Variants in GLYATL1 observed in about 807,000 individuals in gnomAD.
GLYATL1 encodes glycine-N-acyltransferase like 1.
In GLYATL1, 15 loss-of-function variants were observed where a neutral mutation model predicts 20.0. The observed-to-expected ratio is 0.75, with a 90% CI of 0.50 to 1.15. The LOEUF (loss-of-function observed/expected upper bound fraction) is 1.15, where lower values mean the gene tolerates loss of function less well. Among genes scored for constraint, GLYATL1 ranks in the 50% most tolerant of loss-of-function variants. The pLI, the probability that GLYATL1 is intolerant of heterozygous loss-of-function variation, is 0.00. For synonymous variants in GLYATL1, 151 were observed against 131.5 expected (o/e 1.15, Z -1.01); for missense variants, 380 against 368.5 (o/e 1.03, Z -0.26).
downstream of GLYATL1, among the ~76,000 whole-genome samples, chr11:58,910,357 T>C (rs972018153): frequency 6.6e-6 from 1 of 152,204 alleles, no homozygotes; most frequent in African/African-American, 2.4e-5. Flanking sequence ...ATATTAATGA[T>C]AAAATGCCTA....
chr11:58,947,994 C>A, intron 4 of GLYATL1, 29 bp downstream of exon 4: 1 of 1,477,452 alleles, frequency 6.8e-7, no homozygotes, highest in Non-Finnish European at 9.5e-7. Flanking sequence ...ACTGGTGGAG[C>A]CAGGCAGGTC....
intron 1 of GLYATL1, chr11:58,905,796 C>T (rs1436745768): frequency 5.2e-6 from 2 of 384,300 alleles, no homozygotes; most frequent in Admixed American, 5.7e-5. Flanking sequence ...GACCCGCCCG[C>T]GAGCGCGTGC....
chr11:58,955,507 G>T, intron 6 of GLYATL1, 103 bp from the exon 7 acceptor site: 2 of 1,414,480 alleles, frequency 1.4e-6, no homozygotes, highest in Non-Finnish European at 1.9e-6. Context: ...GCAATGGTGA[G>T]TCTTTAAACA....
downstream of GLYATL1, among the ~76,000 whole-genome samples, chr11:58,913,537 T>G (rs532130679): frequency 2.9e-4 from 44 of 152,340 alleles, 1 homozygote; most frequent in African/African-American, 9.1e-4. Flanking sequence ...CAATGAACAC[T>G]TCTTACAAAA....
At position 58,956,148 on chromosome 11, in the gene GLYATL1, C is replaced by T; in HGVS notation, c.*121C>T. Reference sequence around the variant, plus strand: ...CACTTATAATACAGCAGGAACTCTTCTCACCTGGAGCCTTGATGTTAAAAG... The same window carrying T: ...CACTTATAATACAGCAGGAACTCTTTTCACCTGGAGCCTTGATGTTAAAAG... On this transcript the variant is annotated 3_prime_UTR_variant, in exon 7 of 7. Transcript: ENST00000532726. 1.2e-6 allele frequency: 1 copy of T among 851,508 alleles called. No individual in the cohort carries two copies. The highest frequency in any genetic ancestry group is 1.8e-6 in the Non-Finnish European group (1 of 550,462). The allele number at this position is 851,508 out of a possible 1,614,324, so 52.7% of individuals were successfully genotyped here.
chr11:58,948,624 G>C (rs1008954505), intron 4 of GLYATL1, among the ~76,000 whole-genome samples: 1 of 152,002 alleles, frequency 6.6e-6, no homozygotes, highest in African/African-American at 2.4e-5. Context: ...CTGGGCAACA[G>C]AGTGAGACCC....
intron 1 of GLYATL1, among the ~76,000 whole-genome samples, chr11:58,914,294 G>C (rs989659095): frequency 6.6e-6 from 1 of 152,118 alleles, no homozygotes; most frequent in African/African-American, 2.4e-5. Context: ...TGTGTTACCA[G>C]CCACAAGTTT....
chr11:58,953,796 A>G (rs938190015), intron 4 of GLYATL1, among the ~76,000 whole-genome samples: 1 of 152,144 alleles, frequency 6.6e-6, no homozygotes, highest in Non-Finnish European at 1.5e-5. Flanking sequence ...TAATTACACT[A>G]TTTTCTCTTT....
chr11:58,905,577 C>T (rs767146401), exon 1 of GLYATL1: 9 of 456,188 alleles, frequency 2.0e-5, no homozygotes, highest in Non-Finnish European at 4.0e-5. Flanking sequence ...CCGGCTGCCG[C>T]GCAACCCCTC....
chr11:58,906,894 G>C (rs941861219), intron 1 of GLYATL1, among the ~76,000 whole-genome samples: 7 of 152,124 alleles, frequency 4.6e-5, no homozygotes, highest in African/African-American at 1.7e-4. Flanking sequence ...GGATGAGGCA[G>C]GTAAAAGTGC....
intron 1 of GLYATL1, among the ~76,000 whole-genome samples, chr11:58,906,859 G>A (rs1032513569): frequency 1.2e-4 from 18 of 152,154 alleles, no homozygotes; most frequent in Non-Finnish European, 2.6e-4. Flanking sequence ...AAACAACGCG[G>A]TGCTCATTTG....
intron 1 of GLYATL1, chr11:58,943,160 T>G: frequency 2.8e-6 from 3 of 1,087,076 alleles, no homozygotes; most frequent in Non-Finnish European, 3.7e-6. Context: ...CTTCTTCATT[T>G]GAGTCCTTGT....
chr11:58,931,698 A>G (rs936177654), intron 1 of GLYATL1, among the ~76,000 whole-genome samples: 1 of 152,224 alleles, frequency 6.6e-6, no homozygotes, highest in South Asian at 2.1e-4. Context: ...CAACAATAAA[A>G]TGAACAACTC....
rs563027842 is a variant in GLYATL1 at position 58,943,614 on chromosome 11, C to T, written c.-95C>T. ...GAGCGCGAAGTGAACACGGAAGGTA[C>T]CTGCAGGATCCAATTGTGTCCATTG... On this transcript the variant is annotated 5_prime_UTR_variant, in exon 2 of 7. Coordinates refer to ENST00000532726, the MANE Select transcript of GLYATL1 (RefSeq NM_001389712.2). The T allele has an allele frequency of 1.9e-6, 3 of 1,613,592 alleles. No homozygotes were observed. The highest frequency in any genetic ancestry group is 1.1e-5 in the South Asian group (1 of 91,054).
At chr11:58,930,546 G>A (rs1855559571) in intron 1 of GLYATL1, among the ~76,000 whole-genome samples, 1 of 152,136 alleles carries the variant, frequency 6.6e-6, no homozygotes, top group Admixed American at 6.5e-5. Flanking sequence ...AACGGGCTAG[G>A]TTTAAGAATG....
At chr11:58,936,274 T>G (rs901559076), upstream of GLYATL1, among the ~76,000 whole-genome samples, 2 of 152,244 alleles carry the variant, frequency 1.3e-5, no homozygotes, top group African/African-American at 4.8e-5. Flanking sequence ...ATGAGATATC[T>G]GGAGTCACAA....
intron 1 of GLYATL1, chr11:58,933,960 C>T (rs1463564971): frequency 6.6e-6 from 1 of 152,374 alleles, no homozygotes; most frequent in Non-Finnish European, 1.5e-5. Context: ...TGGGGATGAA[C>T]GTAAAGCCAA....
At chr11:58,919,991 G>T (rs1405770415) in intron 1 of GLYATL1, among the ~76,000 whole-genome samples, 1 of 152,056 alleles carries the variant, frequency 6.6e-6, no homozygotes, top group Non-Finnish European at 1.5e-5. Flanking sequence ...CCAGTTTTTT[G>T]GGCAAACCAG....
chr11:58,934,645 G>A (rs1320233773), upstream of GLYATL1: 2 of 152,254 alleles, frequency 1.3e-5, no homozygotes, highest in African/African-American at 4.8e-5. Context: ...TACTGGGTCT[G>A]TAGGCACCTG....
Sources: allele counts gnomAD v4.1 joint callset (sites outside exome capture counted in the v4.1 genomes callset), GRCh38; gene constraint gnomAD v4.1.1; transcripts MANE v1.5; gene names NCBI Gene and HGNC (gene_info 2026-07-23, HGNC 2026-07-21).